Variants in PRKRA observed in about 807,000 individuals in gnomAD.
PRKRA encodes protein activator of interferon induced protein kinase EIF2AK2.
Under a neutral mutation model 32.4 loss-of-function variants are expected in PRKRA, and 22 were observed. That is an observed-to-expected ratio of 0.68 (90% CI 0.49 to 0.97). The LOEUF is 0.97. Ranked by LOEUF, PRKRA falls within the 50% of genes least tolerant of loss-of-function variation. The probability of loss-of-function intolerance (pLI) is 0.00; values close to 1 mark genes in which losing one functional copy is unlikely to be tolerated. For synonymous variants in PRKRA, 139 were observed against 129.8 expected (o/e 1.07, Z -0.48); for missense variants, 319 against 375.6 (o/e 0.85, Z 1.25).
chr2:178,450,317 A>G lies in PRKRA; in HGVS notation c.160T>C (p.Cys54Arg), dbSNP rs1697522608. The stretch of plus-strand genomic sequence containing the variant: ...TGTATTTGCACATCAGATCTTTCAC[A>G]TTCATAAACTGGGATGTTCTTGGTC... ...MKTKNIPVYE[C>R]ERSDVQIHVP... is the part of the protein sequence containing the mutation. Residue 54 changes from cysteine (C) to arginine (R), a missense_variant, in exon 2 of 8, where the codon TGT (cysteine) becomes CGT (arginine). Transcript: ENST00000325748. The G allele has an allele frequency of 1.9e-6, 3 of 1,614,272 alleles. No individual in the cohort carries two copies. In the East Asian group the frequency reaches 6.7e-5, roughly 36 times the overall value.
intron 4 of PRKRA, chr2:178,443,841 A>C (rs1029281877): frequency 5.7e-6 from 1 of 175,842 alleles, no homozygotes; most frequent in East Asian, 1.5e-4. Context: ...AAGGTGAAGA[A>C]AACTATAGAA....
intron 6 of PRKRA, chr2:178,438,920 T>A (rs544460333): frequency 6.6e-6 from 1 of 152,116 alleles, no homozygotes; most frequent in Non-Finnish European, 1.5e-5. Flanking sequence ...CCTGACCTCA[T>A]GATCCGCCCA....
At position 178,431,545 on chromosome 2, in the gene PRKRA, GAC is replaced by G. The variant is rs1341522259; in HGVS notation, c.*550_*551del. On this transcript the variant is annotated 3_prime_UTR_variant, in exon 8 of 8. Coordinates refer to ENST00000325748, the MANE Select transcript of PRKRA (RefSeq NM_003690.5). Reference sequence around the variant, plus strand: ...TCACAATGGCTAACAAGAACAGGATGACAGTCAAGTCAGTAGCTTTTTAATAA... The same window carrying G: ...TCACAATGGCTAACAAGAACAGGATGAGTCAAGTCAGTAGCTTTTTAATAA... 2 of 158,398 alleles carry G rather than the reference GAC, an allele frequency of 1.3e-5. No homozygotes were observed. Among genetic ancestry groups the G allele is most frequent in the South Asian group, 1.9e-4 (1 of 5,368 alleles). 9.8% of individuals were successfully genotyped at this position (158,398 alleles called of 1,614,324 possible).
In PRKRA at chr2:178,435,383, CAAAAAAA is replaced by C. The variant is rs765962501; in HGVS notation, c.784+755_784+761del. 1.3e-4 allele frequency among the ~76,000 whole-genome samples: 8 copies of C among 61,448 alleles called. No individual in the cohort carries two copies. The South Asian group carries it at 1.8e-3, about 13-fold the overall frequency. The allele number at this position is 61,448 out of a possible 152,430, so 40.3% of individuals were successfully genotyped here. On this transcript the variant is annotated intron_variant, in intron 7 of 7. Transcript: ENST00000325748. The stretch of plus-strand genomic sequence containing the variant: ...GGGCAACAGAAACAATACTCCGTCT[CAAAAAAA>C]AAAAAAAAAAAAAAAAATCAAGACA...
chr2:178,438,051 T>C (rs1036180529), intron 6 of PRKRA, among the ~76,000 whole-genome samples: 1 of 152,224 alleles, frequency 6.6e-6, no homozygotes, highest in Non-Finnish European at 1.5e-5. Flanking sequence ...AGTTCCTTTA[T>C]AGTTCTATGT....
chr2:178,443,548 C>T (rs1697199804), intron 4 of PRKRA, 164 bp from the exon 5 acceptor site: 9 of 579,390 alleles, frequency 1.6e-5, no homozygotes, highest in South Asian at 3.9e-5. Flanking sequence ...AAGACATTCC[C>T]GCATTTTATA....
intron 5 of PRKRA, 152 bp downstream of exon 5, chr2:178,443,115 C>G: frequency 3.3e-6 from 2 of 600,482 alleles, no homozygotes; most frequent in Admixed American, 5.5e-5. Flanking sequence ...AATATTTATA[C>G]TTAAGTTCAA....
chr2:178,438,635 T>TA (rs1210003523), intron 6 of PRKRA, among the ~76,000 whole-genome samples: 1 of 152,092 alleles, frequency 6.6e-6, no homozygotes, highest in Non-Finnish European at 1.5e-5. Context: ...TTTTTCCAGA[T>TA]AAACTTCAAT....
At position 178,451,132 on chromosome 2, in the gene PRKRA, T is replaced by A; in HGVS notation, c.-102A>T. 1 of 1,330,254 alleles carries A rather than the reference T, an allele frequency of 7.5e-7. No individual in the cohort carries two copies. The highest frequency in any genetic ancestry group is 1.0e-6 in the Non-Finnish European group (1 of 985,802). The allele number at this position is 1,330,254 out of a possible 1,614,324, so 82.4% of individuals were successfully genotyped here. On this transcript the variant is annotated 5_prime_UTR_variant, in exon 1 of 8. Coordinates refer to ENST00000325748, the MANE Select transcript of PRKRA (RefSeq NM_003690.5). ...CGGGAGGAGCTCCAGCGCCGCCACC[T>A]CCTCCGACTCCCCCGCCTCCTGCTT... is the stretch of plus-strand genomic sequence containing the variant.
At chr2:178,448,542 A>G (rs975534277) in intron 2 of PRKRA, among the ~76,000 whole-genome samples, 3 of 152,138 alleles carry the variant, frequency 2.0e-5, no homozygotes, top group Non-Finnish European at 4.4e-5. Context: ...CAGTGAGCCA[A>G]GATCATGCCA....
chr2:178,435,960 A>G (rs1013408414), intron 7 of PRKRA, among the ~76,000 whole-genome samples, 185 bp downstream of exon 7: 2 of 152,220 alleles, frequency 1.3e-5, no homozygotes, highest in Non-Finnish European at 2.9e-5. Flanking sequence ...AGCTATTATT[A>G]CTATCCACAA....
At position 178,435,904 on chromosome 2, in the gene PRKRA, A is replaced by T. The variant is rs55821514; in HGVS notation, c.784+241T>A. The stretch of plus-strand genomic sequence containing the variant: ...AGAACAGTGTCTGGCACACAGTAAA[A>T]CTCTATCTTTGCTATTGTTGTTTTT... On this transcript the variant is annotated intron_variant, in intron 7 of 7. Transcript: ENST00000325748. 0.021 allele frequency among the ~76,000 whole-genome samples: 3,126 copies of T among 151,714 alleles called. 73 individuals are homozygous for T. The highest frequency in any genetic ancestry group is 0.14 in the East Asian group (700 of 5,166).
At chr2:178,443,651 A>C in intron 4 of PRKRA, 1 of 373,888 alleles carries the variant, frequency 2.7e-6, no homozygotes, top group Non-Finnish European at 5.1e-6. Flanking sequence ...GACATCAACT[A>C]GAAAAACAGG....
chr2:178,445,209 C>G (rs965475138), intron 3 of PRKRA, among the ~76,000 whole-genome samples: 7 of 152,200 alleles, frequency 4.6e-5, no homozygotes, highest in Non-Finnish European at 8.8e-5. Flanking sequence ...AAAAAGAGAA[C>G]AACCTCTTCT....
At chr2:178,441,281 T>A (rs1418464903) in intron 6 of PRKRA, among the ~76,000 whole-genome samples, 1 of 148,272 alleles carries the variant, frequency 6.7e-6, no homozygotes, top group South Asian at 2.3e-4. Flanking sequence ...GCTCACTAAA[T>A]GTTTGCTAAG....
intron 5 of PRKRA, 151 bp from the exon 6 acceptor site, chr2:178,441,855 G>C (rs973147167): frequency 5.2e-6 from 3 of 576,768 alleles, no homozygotes; most frequent in African/African-American, 4.0e-5. Context: ...AACTTTGTTT[G>C]TTATGCTATT....
At chr2:178,440,687 C>T (rs1454022224) in intron 6 of PRKRA, among the ~76,000 whole-genome samples, 1 of 152,192 alleles carries the variant, frequency 6.6e-6, no homozygotes, top group Non-Finnish European at 1.5e-5. Flanking sequence ...CCAGCCACTA[C>T]CTTAGTTCAA....
chr2:178,450,733 C>G lies in PRKRA; in HGVS notation c.65+233G>C, dbSNP rs564073404. On this transcript the variant is annotated intron_variant, in intron 1 of 7. Transcript: ENST00000325748. The stretch of plus-strand genomic sequence containing the variant: ...ACGATCCCTTCCCGGGCGCGCCGAC[C>G]GAGCGTCACCTCCGCCCGCCCCGCG... The G allele has an allele frequency of 1.4e-4, 194 of 1,363,942 alleles. No individual in the cohort carries two copies. The African/African-American group carries it at 2.5e-3, about 18-fold the overall frequency. 84.5% of individuals were successfully genotyped at this position (1,363,942 alleles called of 1,614,324 possible). A position where few individuals can be genotyped will look rare whatever the true frequency, so the allele number is the denominator to read the frequency against.
intron 6 of PRKRA, among the ~76,000 whole-genome samples, chr2:178,441,087 T>C (rs527693274): frequency 6.6e-6 from 1 of 152,338 alleles, no homozygotes; most frequent in African/African-American, 2.4e-5. Context: ...AGACATTACT[T>C]CTTCCTGGAA....
Sources: gnomAD v4.1 joint callset for allele counts (sites outside exome capture counted in the v4.1 genomes callset) on GRCh38, gnomAD v4.1.1 for gene constraint, MANE v1.5 for transcripts, NCBI Gene and HGNC (gene_info 2026-07-23, HGNC 2026-07-21) for gene names.